Variants in RFX7 observed in about 807,000 individuals in gnomAD.
RFX7 encodes the protein DNA-binding protein RFX7.
RFX7 carries 26 observed loss-of-function variants against 111.8 expected under a neutral mutation model. The observed-to-expected ratio is 0.23, with a 90% CI of 0.17 to 0.32. The LOEUF (loss-of-function observed/expected upper bound fraction) is 0.32. Among genes scored for constraint, RFX7 ranks in the 10% least tolerant of loss-of-function variants. RFX7 has a pLI of 1.00. For synonymous variants in RFX7, 624 were observed against 624.4 expected, an observed-to-expected ratio of 1.00 and a Z score of 0.01; for missense variants, 1,573 against 1,772.9, an observed-to-expected ratio of 0.89 and a Z score of 2.02.
Position 56,101,410 on chromosome 15 carries a change from T to C in RFX7, c.760A>G (p.Ile254Val), listed in dbSNP as rs761482036. Residue 254 changes from isoleucine to valine, a missense_variant, in exon 8 of 10, where the codon ATA becomes GTA. By Grantham distance (29) the Ile-to-Val change is conservative. Around this residue, in one of 7 missense-constraint regions of RFX7, gnomAD observed 288 missense variants for 337.9 expected, o/e 0.85. Coordinates refer to ENST00000559447, the MANE Select transcript of RFX7 (RefSeq NM_022841.7). Reference protein sequence around the residue: ...LARFLVKSHYIGTKSMAALTV... With the variant: ...LARFLVKSHYVGTKSMAALTV... ...AGAGCTGCCATTGACTTGGTGCCTA[T>C]ATAGTGACTTTTTACAAGGAAGCGG... The C allele has an allele frequency of 5.0e-6, 8 of 1,610,754 alleles. No individual in the cohort carries two copies. Among genetic ancestry groups the C allele is most frequent in the Non-Finnish European group, 6.8e-6 (8 of 1,178,608 alleles).
chr15:56,225,021 A>C (rs2141221114), intron 2 of RFX7, among the ~76,000 whole-genome samples: 2 of 152,292 alleles, frequency 1.3e-5, no homozygotes, highest in Admixed American at 1.3e-4. Context: ...TATAACAAAA[A>C]TACTACTTAA....
chr15:56,212,889 T>C (rs1412737153), intron 2 of RFX7, among the ~76,000 whole-genome samples: 1 of 152,156 alleles, frequency 6.6e-6, no homozygotes, highest in African/African-American at 2.4e-5. Context: ...CAGATGTTTG[T>C]ATAAATGGTA....
Position 56,101,544 on chromosome 15 carries a change from CCAGAAGGTT to C in RFX7, c.617_625del (p.Glu206_Ser208del). Reference sequence around the variant, plus strand: ...TTCTTCATCAATATTTTGAAGCTGCCCAGAAGGTTCAGCTCCTTCCAACTAGGCAAAGAA... The same window carrying C: ...TTCTTCATCAATATTTTGAAGCTGCCCAGCTCCTTCCAACTAGGCAAAGAA... On this transcript the variant is annotated inframe_deletion, in exon 8 of 10. Transcript: ENST00000559447. 3.7e-6 allele frequency: 6 copies of C among 1,613,384 alleles called. No individual in the cohort carries two copies. Among genetic ancestry groups the C allele is most frequent in the Non-Finnish European group, 5.1e-6 (6 of 1,179,660 alleles).
intron 5 of RFX7, among the ~76,000 whole-genome samples, chr15:56,140,089 C>A (rs1165060125): frequency 3.9e-5 from 6 of 152,176 alleles, no homozygotes; most frequent in Non-Finnish European, 8.8e-5. Flanking sequence ...GCCCTGCCCC[C>A]AGAGGTGGAG....
At position 56,208,948 on chromosome 15, in the gene RFX7, A is replaced by G. The variant is rs182936039; in HGVS notation, c.162-29645T>C. Among the ~76,000 whole-genome samples the G allele has an allele frequency of 8.5e-5, 13 of 152,278 alleles. 1 individual carries two copies. In the East Asian group the frequency reaches 2.5e-3, roughly 29 times the overall value. On this transcript the variant is annotated intron_variant, in intron 2 of 9. Coordinates refer to ENST00000559447, the MANE Select transcript of RFX7 (RefSeq NM_022841.7). ...AAAGGGTGTAACATATGTGTAATGG[A>G]AATTCCAGAAGGATAGGAAAAAGAG...
At chr15:56,178,087 T>C (rs1364887336) in intron 3 of RFX7, among the ~76,000 whole-genome samples, 1 of 151,002 alleles carries the variant, frequency 6.6e-6, no homozygotes. Context: ...GTGTCTTCAT[T>C]TGTAAAAGGG....
intron 2 of RFX7, chr15:56,192,300 T>G (rs931545521): frequency 1.0e-5 from 2 of 198,676 alleles, no homozygotes; most frequent in African/African-American, 4.7e-5. Context: ...GGGTGCTGGC[T>G]GGTAAGCGCT....
At chr15:56,176,148 TC>T (rs2042900485) in intron 3 of RFX7, among the ~76,000 whole-genome samples, 1 of 151,932 alleles carries the variant, frequency 6.6e-6, no homozygotes, top group African/African-American at 2.4e-5. Context: ...ATAAAGATAA[TC>T]AGAGAAAAAA....
chr15:56,157,549 C>T (rs1279731804), intron 3 of RFX7, among the ~76,000 whole-genome samples: 1 of 152,148 alleles, frequency 6.6e-6, no homozygotes, highest in Non-Finnish European at 1.5e-5. Context: ...AAACGTCTTT[C>T]TCTGAGTTGG....
At chr15:56,236,489 T>G (rs2043625075) in intron 2 of RFX7, among the ~76,000 whole-genome samples, 1 of 152,072 alleles carries the variant, frequency 6.6e-6, no homozygotes, top group South Asian at 2.1e-4. Flanking sequence ...AAGAGAATGG[T>G]AGAATAGGAG....
At chr15:56,169,394 G>A in intron 3 of RFX7, among the ~76,000 whole-genome samples, 1 of 152,164 alleles carries the variant, frequency 6.6e-6, no homozygotes, top group East Asian at 1.9e-4. Flanking sequence ...CTAATGTTTA[G>A]ACTTAGAAAC....
At chr15:56,139,800 G>A (rs1417936059) in intron 5 of RFX7, among the ~76,000 whole-genome samples, 2 of 152,040 alleles carry the variant, frequency 1.3e-5, no homozygotes, top group Non-Finnish European at 2.9e-5. Context: ...TTTTGGTGTG[G>A]ATGTCCTTTC....
At chr15:56,141,206 G>T (rs1157154561) in intron 5 of RFX7, among the ~76,000 whole-genome samples, 1 of 151,818 alleles carries the variant, frequency 6.6e-6, no homozygotes, top group Non-Finnish European at 1.5e-5. Flanking sequence ...AAGTTAGCCA[G>T]GCATGGTGAT....
intron 3 of RFX7, among the ~76,000 whole-genome samples, chr15:56,159,399 C>T (rs2042694812): frequency 6.6e-6 from 1 of 152,132 alleles, no homozygotes; most frequent in Non-Finnish European, 1.5e-5. Flanking sequence ...AAGAGTCCTC[C>T]AGATTTTATA....
At chr15:56,142,206 G>A (rs1322257109) in intron 5 of RFX7, among the ~76,000 whole-genome samples, 2 of 151,862 alleles carry the variant, frequency 1.3e-5, no homozygotes, top group South Asian at 2.1e-4. Context: ...TAACCAGAAG[G>A]GCTCATCAGC....
chr15:56,105,581 GAC>G (rs1332426976), intron 5 of RFX7, among the ~76,000 whole-genome samples: 2 of 152,262 alleles, frequency 1.3e-5, no homozygotes, highest in African/African-American at 4.8e-5. Flanking sequence ...AGTGTAATGA[GAC>G]ATTTGAGAGA....
chr15:56,178,624 C>G (rs2042930012), intron 3 of RFX7, among the ~76,000 whole-genome samples: 1 of 152,090 alleles, frequency 6.6e-6, no homozygotes, highest in African/African-American at 2.4e-5. Context: ...TGAAAGAAAT[C>G]AGCAGTATTC....
Position 56,098,155 on chromosome 15 carries a change from G to A in RFX7, c.1033C>T (p.Pro345Ser). 1 of 1,613,932 alleles carries A rather than the reference G, an allele frequency of 6.2e-7. No homozygotes were observed. ...SATSNGVTNL[P>S]NGNPSILSPQ... is the part of the protein sequence containing the mutation. ...GAAAGGATTGAAGGATTTCCATTAGGAAGATTAGTCACTCCATTGCTTGTA... is the reference window on the plus strand; with the variant it reads ...GAAAGGATTGAAGGATTTCCATTAGAAAGATTAGTCACTCCATTGCTTGTA... Residue 345 changes from proline to serine, a missense_variant, in exon 9 of 10, where the codon CCT becomes TCT. Pro to Ser is a moderately conservative substitution (Grantham distance 74). Coordinates refer to ENST00000559447, the MANE Select transcript of RFX7 (RefSeq NM_022841.7).
At chr15:56,129,408 T>G (rs1404688340) in intron 5 of RFX7, among the ~76,000 whole-genome samples, 5 of 150,496 alleles carry the variant, frequency 3.3e-5, no homozygotes, top group African/African-American at 1.2e-4. Flanking sequence ...AATCAGGTAA[T>G]AGATGAATTT....
Sources: gnomAD v4.1 joint callset for allele counts (sites outside exome capture counted in the v4.1 genomes callset) on GRCh38, gnomAD v4.1.1 for gene constraint, gnomAD v4.1.1 regional missense constraint, MANE v1.5 for transcripts, NCBI Gene and HGNC (gene_info 2026-07-23, HGNC 2026-07-21) for gene names.